Variants in TSACC observed in about 807,000 individuals in gnomAD.
TSACC encodes TSSK6-activating co-chaperone protein.
A neutral mutation model predicts 6.9 loss-of-function variants in TSACC; 3 were observed. The observed-to-expected ratio is 0.43, with a 90% CI of 0.20 to 1.12. The LOEUF (loss-of-function observed/expected upper bound fraction) is 1.12, where lower values mean the gene tolerates loss of function less well. Among genes scored for constraint, TSACC ranks in the 50% most tolerant of loss-of-function variants. The pLI, the probability that TSACC is intolerant of heterozygous loss-of-function variation, is 0.28. For synonymous variants in TSACC, 54 were observed against 55.1 expected, an observed-to-expected ratio of 0.98 and a Z score of 0.09; for missense variants, 137 against 143.9, an observed-to-expected ratio of 0.95 and a Z score of 0.24.
At chr1:156,341,082 C>T (rs1665857117) in intron 2 of TSACC, among the ~76,000 whole-genome samples, 1 of 151,612 alleles carries the variant, frequency 6.6e-6, no homozygotes, top group South Asian at 2.1e-4. Context: ...CTCCCAAAGT[C>T]CTGGGATTAC....
At chr1:156,344,784 G>A (rs1465285137) in intron 3 of TSACC, 76 bp downstream of exon 3, 6 of 1,540,816 alleles carry the variant, frequency 3.9e-6, no homozygotes, top group South Asian at 2.4e-5. Context: ...TTGAGCTGTC[G>A]CCTATTGATC....
chr1:156,339,786 G>A lies in TSACC; in HGVS notation c.29G>A (p.Arg10Lys). 1 of 1,614,102 alleles carries A rather than the reference G, an allele frequency of 6.2e-7. No homozygotes were observed. Among genetic ancestry groups the A allele is most frequent in the Non-Finnish European group, 8.5e-7 (1 of 1,180,002 alleles). ...GAGCGGCACACTAGTCATCCTAACA[G>A]AAAAGGTGTGTGTTGGAGGCCCTGC... MERHTSHPNRKVPAKEEANA... is the reference protein window; with the variant it reads MERHTSHPNKKVPAKEEANA... The change falls in exon 2 of 4, where the codon AGA becomes AAA. Residue 10 changes from arginine to lysine, a missense_variant. By Grantham distance (26) the Arg-to-Lys change is conservative. Transcript: ENST00000368254.
intron 2 of TSACC, among the ~76,000 whole-genome samples, chr1:156,342,283 A>G (rs1283966999): frequency 6.6e-6 from 1 of 152,220 alleles, no homozygotes; most frequent in Non-Finnish European, 1.5e-5. Context: ...AGGGAAAAGA[A>G]GATGGATGAC....
chr1:156,338,209 C>A, upstream of TSACC: 1 of 1,581,692 alleles, frequency 6.3e-7, no homozygotes, highest in South Asian at 1.2e-5. Context: ...GAGCCGGGTA[C>A]CCAGAGCTGG....
chr1:156,338,099 T>C (rs1665531545), upstream of TSACC: 5 of 1,556,750 alleles, frequency 3.2e-6, no homozygotes, highest in Non-Finnish European at 4.4e-6. Flanking sequence ...CACTGAAAAG[T>C]ATGGACAGAA....
intron 2 of TSACC, among the ~76,000 whole-genome samples, chr1:156,340,024 A>G (rs1665772797): frequency 6.6e-6 from 1 of 152,260 alleles, no homozygotes; most frequent in African/African-American, 2.4e-5. Context: ...ACTAGAGTGA[A>G]GAGATACTGA....
chr1:156,339,718 CTA>C lies in TSACC; in HGVS notation c.-38_-37del, dbSNP rs771332259. The C allele has an allele frequency of 6.2e-7, 1 of 1,612,774 alleles. No homozygotes were observed. Among genetic ancestry groups the C allele is most frequent in the Non-Finnish European group, 8.5e-7 (1 of 1,179,110 alleles). On this transcript the variant is annotated 5_prime_UTR_variant, in exon 2 of 4. It removes an upstream start codon present in the reference 5' UTR. Coordinates refer to ENST00000368254, the MANE Select transcript of TSACC (RefSeq NM_001304817.2). ...AACATGGATTGTTGATCATCTGATGCTATGATTCTTTCCCAGGCACCACACCT... is the reference window on the plus strand; with the variant it reads ...AACATGGATTGTTGATCATCTGATGCTGATTCTTTCCCAGGCACCACACCT...
intron 2 of TSACC, among the ~76,000 whole-genome samples, chr1:156,341,179 C>G (rs1379781441): frequency 6.6e-6 from 1 of 152,090 alleles, no homozygotes; most frequent in Non-Finnish European, 1.5e-5. Context: ...CACAACAGAT[C>G]GAAACATTTA....
At chr1:156,346,193 CAAAAAAA>C (rs60688957) in intron 3 of TSACC, among the ~76,000 whole-genome samples, 13 of 53,632 alleles carry the variant, frequency 2.4e-4, no homozygotes, top group African/African-American at 6.4e-4. Context: ...ACTCCGTCTC[CAAAAAAA>C]AAAAAAAAAA....
chr1:156,337,803 A>C, upstream of TSACC: 1 of 287,894 alleles, frequency 3.5e-6, no homozygotes, highest in Non-Finnish European at 6.2e-6. Flanking sequence ...AAAAAAAAAC[A>C]AAAAAAAACG....
rs149550620 is a variant in TSACC at position 156,343,040 on chromosome 1, C to CT, written c.35-1539dup. Among the ~76,000 whole-genome samples the CT allele has an allele frequency of 4.3e-3, 661 of 152,280 alleles. 5 individuals are homozygous for CT. The highest frequency in any genetic ancestry group is 0.037 in the Middle Eastern group (11 of 294). ...CCTTGAAGGTTCAGTTTTTCTCTCT[C>CT]TGTTTTTTGCCTTGGAGAGCTAATG... is the stretch of plus-strand genomic sequence containing the variant. On this transcript the variant is annotated intron_variant, in intron 2 of 3. Coordinates refer to ENST00000368254, the MANE Select transcript of TSACC (RefSeq NM_001304817.2).
In TSACC at chr1:156,342,655, C is replaced by G. The variant is rs1440669591; in HGVS notation, c.35-1925C>G. Among the ~76,000 whole-genome samples, 3 of 152,228 alleles carry G rather than the reference C, an allele frequency of 2.0e-5. No homozygotes were observed. In the East Asian group the frequency reaches 5.8e-4, roughly 29 times the overall value. ...TTTCCTCAGGACATGTTTTCCAGCTCTACAGACTAGGTCAGTTGCTTTCAT... is the reference window on the plus strand; with the variant it reads ...TTTCCTCAGGACATGTTTTCCAGCTGTACAGACTAGGTCAGTTGCTTTCAT... On this transcript the variant is annotated intron_variant, in intron 2 of 3. Coordinates refer to ENST00000368254, the MANE Select transcript of TSACC (RefSeq NM_001304817.2).
upstream of TSACC, chr1:156,338,124 G>A (rs1355809526): frequency 7.0e-6 from 11 of 1,574,366 alleles, no homozygotes; most frequent in Middle Eastern, 3.3e-4. Flanking sequence ...GCGAAAAGGG[G>A]GTCCATTTCC....
chr1:156,338,793 A>C (rs957610434), intron 1 of TSACC, 188 bp downstream of exon 1: 1 of 154,588 alleles, frequency 6.5e-6, no homozygotes, highest in African/African-American at 2.4e-5. Flanking sequence ...TTGTAGTCTT[A>C]CCGGGCCGGA....
Position 156,346,869 on chromosome 1 carries a change from C to G in TSACC, c.265C>G (p.His89Asp). ...LAQQQMAVLE[H>D]LQASVTQLAP... ...CCAACAACAGATGGCTGTTTTGGAA[C>G]ATTTACAGGCATCTGTGACACAACT... The change falls in exon 4 of 4, where the codon CAT (histidine) becomes GAT (aspartate). Residue 89 changes from histidine to aspartate, a missense_variant. Physicochemically the swap from His to Asp is moderately conservative, Grantham distance 81. Coordinates refer to ENST00000368254, the MANE Select transcript of TSACC (RefSeq NM_001304817.2). The G allele has an allele frequency of 6.2e-7, 1 of 1,614,186 alleles. No individual in the cohort carries two copies. The highest frequency in any genetic ancestry group is 8.5e-7 in the Non-Finnish European group (1 of 1,180,032).
At position 156,344,716 on chromosome 1, in the gene TSACC, T is replaced by A; in HGVS notation, c.163+8T>A. 8 of 1,613,098 alleles carry A rather than the reference T, an allele frequency of 5.0e-6. No individual in the cohort carries two copies. Among genetic ancestry groups the A allele is most frequent in the Non-Finnish European group, 6.8e-6 (8 of 1,179,664 alleles). ...CAACAAAGCTGCCCTCGGGTAAGGA[T>A]GTAGGGAGGGTTTTCTAATGGACTC... On this transcript the variant is annotated splice_region_variant and intron_variant, in intron 3 of 3. Coordinates refer to ENST00000368254, the MANE Select transcript of TSACC (RefSeq NM_001304817.2).
rs770227327 is a variant in TSACC at position 156,344,714 on chromosome 1, G to T, written c.163+6G>T. The T allele has an allele frequency of 1.9e-6, 3 of 1,613,176 alleles. No homozygotes were observed. Among genetic ancestry groups the T allele is most frequent in the Admixed American group, 3.3e-5 (2 of 59,924 alleles). ...GACAACAAAGCTGCCCTCGGGTAAG[G>T]ATGTAGGGAGGGTTTTCTAATGGAC... On this transcript the variant is annotated splice_donor_region_variant and intron_variant, in intron 3 of 3. Coordinates refer to ENST00000368254, the MANE Select transcript of TSACC (RefSeq NM_001304817.2).
chr1:156,341,906 C>T (rs1288034706), intron 2 of TSACC, among the ~76,000 whole-genome samples: 2 of 151,716 alleles, frequency 1.3e-5, no homozygotes, highest in Admixed American at 1.3e-4. Context: ...ACTAAAAATA[C>T]AAAAAATTAG....
At chr1:156,341,687 T>A (rs1012315371) in intron 2 of TSACC, among the ~76,000 whole-genome samples, 2 of 152,192 alleles carry the variant, frequency 1.3e-5, no homozygotes, top group African/African-American at 4.8e-5. Context: ...TCTCTTTCTT[T>A]AATTAAAAAA....
Sources: allele counts gnomAD v4.1 joint callset (sites outside exome capture counted in the v4.1 genomes callset), GRCh38; gene constraint gnomAD v4.1.1; transcripts MANE v1.5; gene names NCBI Gene and HGNC (gene_info 2026-07-23, HGNC 2026-07-21).